Variants in POLR2B observed in about 807,000 individuals in gnomAD.
POLR2B encodes the protein DNA-directed RNA polymerase II subunit RPB2.
Under a neutral mutation model 144.6 loss-of-function variants are expected in POLR2B, and 57 were observed. That is an observed-to-expected ratio of 0.39 (90% CI 0.32 to 0.49). The LOEUF (loss-of-function observed/expected upper bound fraction) is 0.49. Among genes scored for constraint, POLR2B ranks in the 20% least tolerant of loss-of-function variants. The pLI is 0.83. For missense variants in POLR2B, 595 were observed against 1,467.4 expected (o/e 0.41, Z 9.71); for synonymous variants, 442 against 469.8 (o/e 0.94, Z 0.77).
At chr4:57,001,258 A>C (rs944059466) in intron 7 of POLR2B, among the ~76,000 whole-genome samples, 3 of 152,090 alleles carry the variant, frequency 2.0e-5, no homozygotes, top group East Asian at 1.9e-4. Flanking sequence ...TCCTGGGTTC[A>C]AGCGATTCTC....
At chr4:56,985,846 T>G (rs1176132454) in intron 1 of POLR2B, among the ~76,000 whole-genome samples, 2 of 152,190 alleles carry the variant, frequency 1.3e-5, no homozygotes, top group African/African-American at 4.8e-5. Context: ...TCTACCCGAT[T>G]CAAGGAGAGG....
At chr4:56,998,416 C>T (rs1165976256) in intron 6 of POLR2B, among the ~76,000 whole-genome samples, 1 of 152,196 alleles carries the variant, frequency 6.6e-6, no homozygotes, top group East Asian at 1.9e-4. Flanking sequence ...AGGCTGATCT[C>T]GAACTCCCAA....
chr4:56,979,074 T>C (rs1722069304), intron 1 of POLR2B, 70 bp downstream of exon 1: 1 of 1,516,410 alleles, frequency 6.6e-7, no homozygotes, highest in Non-Finnish European at 9.2e-7. Context: ...ACTGATTGGA[T>C]TGAGGATTTG....
intron 7 of POLR2B, among the ~76,000 whole-genome samples, chr4:57,001,199 G>T (rs11934764): frequency 0.89 from 136,023 of 152,172 alleles, 60,796 homozygotes; most frequent in East Asian, 0.97. Context: ...AGACAAGGTC[G>T]CGCTTTGTCG....
chr4:56,989,039 T>C (rs914657576), intron 2 of POLR2B, among the ~76,000 whole-genome samples: 14 of 152,256 alleles, frequency 9.2e-5, no homozygotes, highest in African/African-American at 3.1e-4. Context: ...GATTTTTTTT[T>C]ACTTTTTAAT....
chr4:57,011,800 C>G (rs187049121), intron 13 of POLR2B, among the ~76,000 whole-genome samples: 1 of 151,994 alleles, frequency 6.6e-6, no homozygotes, highest in Non-Finnish European at 1.5e-5. Flanking sequence ...TCCAGCCTGG[C>G]GACAGAGCGA....
At chr4:57,010,703 T>G in intron 11 of POLR2B, 45 bp from the exon 12 acceptor site, 1 of 1,512,398 alleles carries the variant, frequency 6.6e-7, no homozygotes, top group Non-Finnish European at 8.9e-7. Context: ...AGAAGTTTGA[T>G]AGGCATGTAA....
chr4:57,017,022 A>T lies in POLR2B; in HGVS notation c.1956-21A>T. ...GTTAAAATACTTGAGGAAGTAGAAAATTGAGTGAATTCTTTTTTAGTTGGC... is the reference window on the plus strand; with the variant it reads ...GTTAAAATACTTGAGGAAGTAGAAATTTGAGTGAATTCTTTTTTAGTTGGC... On this transcript the variant is annotated intron_variant, in intron 14 of 24. Coordinates refer to ENST00000314595, the MANE Select transcript of POLR2B (RefSeq NM_000938.3). This position sits in a 1 kb window ranked among gnomAD's most constrained non-coding sequence, Gnocchi z 4.8. 6.6e-7 allele frequency: 1 copy of T among 1,506,448 alleles called. No homozygotes were observed. The highest frequency in any genetic ancestry group is 9.0e-7 in the Non-Finnish European group (1 of 1,108,512). 93.3% of individuals were successfully genotyped at this position (1,506,448 alleles called of 1,614,324 possible). A position where few individuals can be genotyped will look rare whatever the true frequency, so the allele number is the denominator to read the frequency against.
chr4:56,999,750 A>T lies in POLR2B; in HGVS notation c.869A>T (p.Tyr290Phe). Residue 290 changes from tyrosine to phenylalanine, a missense_variant, in exon 7 of 25, where the codon TAT (tyrosine) becomes TTT (phenylalanine). By Grantham distance (22) the Tyr-to-Phe change is conservative. This residue lies in a region of POLR2B where 251 missense variants were observed against 567.3 expected (regional missense o/e 0.44). Transcript: ENST00000314595. Reference protein sequence around the residue: ...SDRDILEHIIYDFEDPEMMEM... With the variant: ...SDRDILEHIIFDFEDPEMMEM... ...AGAGATATTTTAGAACATATTATTTATGATTTTGAAGATCCAGAGATGATG... is the reference window on the plus strand; with the variant it reads ...AGAGATATTTTAGAACATATTATTTTTGATTTTGAAGATCCAGAGATGATG... 6.2e-7 allele frequency: 1 copy of T among 1,610,328 alleles called. No homozygotes were observed. Among genetic ancestry groups the T allele is most frequent in the Non-Finnish European group, 8.5e-7 (1 of 1,177,190 alleles).
chr4:57,025,252 C>T lies in POLR2B; in HGVS notation c.3079-125C>T. 3.8e-6 allele frequency: 3 copies of T among 779,544 alleles called. No homozygotes were observed. The South Asian group carries it at 5.5e-5, about 14-fold the overall frequency. 48.3% of individuals were successfully genotyped at this position (779,544 alleles called of 1,614,324 possible). On this transcript the variant is annotated intron_variant, in intron 22 of 24. Coordinates refer to ENST00000314595, the MANE Select transcript of POLR2B (RefSeq NM_000938.3). ...CCCAAGCTAATTACTCTCTTAATTG[C>T]TAACATTATAGATTAGTTCTGTGCT...
intron 16 of POLR2B, among the ~76,000 whole-genome samples, chr4:57,019,044 G>A (rs1247989598): frequency 6.6e-6 from 1 of 152,030 alleles, no homozygotes; most frequent in Non-Finnish European, 1.5e-5. Flanking sequence ...ATTGTAATGG[G>A]GCTCTACCAT....
chr4:56,978,940 T>G lies in POLR2B; in HGVS notation c.-46T>G. The G allele has an allele frequency of 1.2e-6, 2 of 1,607,208 alleles. No homozygotes were observed. Among genetic ancestry groups the G allele is most frequent in the African/African-American group, 2.7e-5 (2 of 74,916 alleles). On this transcript the variant is annotated 5_prime_UTR_variant, in exon 1 of 25. Coordinates refer to ENST00000314595, the MANE Select transcript of POLR2B (RefSeq NM_000938.3). ...GCGCTGCTGGCTTCTGGGCGGTTTT[T>G]GTCTTTTGATTTCAAGAGTTAGGAG...
intron 22 of POLR2B, 35 bp downstream of exon 22, chr4:57,025,034 GT>G (rs41554513): frequency 0.22 from 207,826 of 946,662 alleles, 26,297 homozygotes; most frequent in Middle Eastern, 0.32. Context: ...TTTGCCACTT[GT>G]TTTTTTTTGT....
chr4:57,028,106 T>G (rs541598338), intron 23 of POLR2B, among the ~76,000 whole-genome samples: 2 of 152,334 alleles, frequency 1.3e-5, no homozygotes, highest in African/African-American at 4.8e-5. Flanking sequence ...ATCGTCAACT[T>G]AATTCTAAGT....
At chr4:56,980,456 T>G (rs1363412363) in intron 1 of POLR2B, among the ~76,000 whole-genome samples, 1 of 152,196 alleles carries the variant, frequency 6.6e-6, no homozygotes, top group Non-Finnish European at 1.5e-5. Flanking sequence ...GTGCAGTGGC[T>G]CACGCCTGTT....
chr4:56,995,661 G>C (rs1722655556), intron 6 of POLR2B, among the ~76,000 whole-genome samples: 1 of 152,208 alleles, frequency 6.6e-6, no homozygotes, highest in South Asian at 2.1e-4. Flanking sequence ...GCTGCAATCA[G>C]ATGTTTCCCT....
chr4:56,983,907 C>G (rs1406342200), intron 1 of POLR2B, among the ~76,000 whole-genome samples: 1 of 151,742 alleles, frequency 6.6e-6, no homozygotes, highest in Non-Finnish European at 1.5e-5. Context: ...CACTCTCACC[C>G]AGGCTGGAGT....
intron 2 of POLR2B, among the ~76,000 whole-genome samples, chr4:56,987,700 G>A (rs867378356): frequency 1.3e-5 from 2 of 152,262 alleles, no homozygotes; most frequent in South Asian, 4.1e-4. Context: ...GGCCAACATA[G>A]TGAAGCTCCG....
In POLR2B at chr4:57,023,369, G is replaced by C; in HGVS notation, c.2555G>C (p.Gly852Ala). 1 of 1,613,964 alleles carries C rather than the reference G, an allele frequency of 6.2e-7. No homozygotes were observed. The highest frequency in any genetic ancestry group is 8.5e-7 in the Non-Finnish European group (1 of 1,179,894). ...HAIYDKLDDD[G>A]LIAPGVRVSG... ...ATTTACGACAAGCTGGATGATGATG[G>C]TTTGATAGCTCCAGGGGTTCGTGTA... Residue 852 changes from glycine to alanine, a missense_variant, in exon 19 of 25, where the codon GGT (glycine) becomes GCT (alanine). Physicochemically the swap from Gly to Ala is moderately conservative, Grantham distance 60. Coordinates refer to ENST00000314595, the MANE Select transcript of POLR2B (RefSeq NM_000938.3). This position sits in a 1 kb window ranked among gnomAD's most constrained non-coding sequence, Gnocchi z 4.3.
Sources: allele counts gnomAD v4.1 joint callset (sites outside exome capture counted in the v4.1 genomes callset), GRCh38; gene constraint gnomAD v4.1.1; regional missense constraint gnomAD v4.1.1; non-coding constraint Gnocchi (gnomAD v3.1); transcripts MANE v1.5; gene names NCBI Gene and HGNC (gene_info 2026-07-23, HGNC 2026-07-21).